Variants in BTBD3 observed in about 807,000 individuals in gnomAD.
The protein encoded by BTBD3 is BTB/POZ domain-containing protein 3.
BTBD3 carries 14 observed loss-of-function variants against 41.6 expected under a neutral mutation model. The ratio of observed to expected loss-of-function variants is 0.34; its 90% CI spans 0.22 to 0.53. The LOEUF (loss-of-function observed/expected upper bound fraction) is 0.53. BTBD3 is among the 20% of genes least tolerant of loss of function. The pLI is 0.95. For missense variants in BTBD3, 426 were observed against 654.7 expected (o/e 0.65, Z 3.81); for synonymous variants, 249 against 233.7 (o/e 1.07, Z -0.60).
chr20:11,898,231 C>T (rs867929805), intron 1 of BTBD3, among the ~76,000 whole-genome samples: 6 of 152,116 alleles, frequency 3.9e-5, no homozygotes, highest in African/African-American at 7.2e-5. Flanking sequence ...CCTCTTCTCC[C>T]GCTTGTCTCC....
At chr20:11,915,373 A>C (rs987179372), upstream of BTBD3, among the ~76,000 whole-genome samples, 10 of 152,176 alleles carry the variant, frequency 6.6e-5, no homozygotes, top group African/African-American at 2.4e-4. Flanking sequence ...TCCAAACTAA[A>C]TTAAATTATT....
Position 11,918,285 on chromosome 20 carries a change from G to T in BTBD3, c.10G>T (p.Asp4Tyr). The T allele has an allele frequency of 6.3e-7, 1 of 1,584,336 alleles. No individual in the cohort carries two copies. Residue 4 changes from aspartate (D) to tyrosine (Y), a missense_variant, in exon 1 of 4, where the codon GAC (aspartate) becomes TAC (tyrosine). Physicochemically the swap from Asp to Tyr is radical, Grantham distance 160. This residue lies in a region of BTBD3 where 53 missense variants were observed against 74.8 expected (regional missense o/e 0.71). Transcript: ENST00000378226. MVD[D>Y]KEKNMKCLTF... is the part of the protein sequence containing the mutation. The stretch of plus-strand genomic sequence containing the variant: ...GAGACACACTGTACTCATGGTAGAT[G>T]ACAAGGAAAAGAACATGAAATGTCT...
At position 11,918,032 on chromosome 20, in the gene BTBD3, T is replaced by C. The variant is rs1247112147; in HGVS notation, c.-244T>C. 1 of 1,240,216 alleles carries C rather than the reference T, an allele frequency of 8.1e-7. No individual in the cohort carries two copies. Among genetic ancestry groups the C allele is most frequent in the Non-Finnish European group, 1.0e-6 (1 of 992,496 alleles). 76.8% of individuals were successfully genotyped at this position (1,240,216 alleles called of 1,614,324 possible). On this transcript the variant is annotated 5_prime_UTR_variant, in exon 1 of 4. Coordinates refer to ENST00000378226, the MANE Select transcript of BTBD3 (RefSeq NM_014962.4). ...TTCAGGTGATCTAGGAAACAGTTAT[T>C]TTTATGAGCAAATAAGAGAAACAGG... is the stretch of plus-strand genomic sequence containing the variant.
At chr20:11,919,481 G>A in intron 2 of BTBD3, 1 of 1,351,746 alleles carries the variant, frequency 7.4e-7, no homozygotes, top group South Asian at 1.7e-5. Context: ...AGCTATTATT[G>A]TATGTATTTA....
chr20:11,899,934 A>C (rs1020049771), intron 1 of BTBD3, among the ~76,000 whole-genome samples: 2 of 152,254 alleles, frequency 1.3e-5, no homozygotes, highest in Non-Finnish European at 2.9e-5. Context: ...GGATAAGCCC[A>C]ATAGCTGTTA....
At position 11,919,701 on chromosome 20, in the gene BTBD3, T is replaced by C. The variant is rs2056949518; in HGVS notation, c.418-17T>C. 1 of 1,608,736 alleles carries C rather than the reference T, an allele frequency of 6.2e-7. No individual in the cohort carries two copies. The highest frequency in any genetic ancestry group is 1.7e-5 in the Admixed American group (1 of 59,956). ...CTTCAATTTAGTGTATGAAATAAGATTTCCCTTTCTACACAGTATGTTTTA... is the reference window on the plus strand; with the variant it reads ...CTTCAATTTAGTGTATGAAATAAGACTTCCCTTTCTACACAGTATGTTTTA... On this transcript the variant is annotated splice_polypyrimidine_tract_variant and intron_variant, in intron 2 of 3. Transcript: ENST00000378226.
chr20:11,923,095 G>T lies in BTBD3; in HGVS notation c.998G>T (p.Gly333Val). The change falls in exon 4 of 4, where the codon GGT (glycine) becomes GTT (valine). Residue 333 changes from glycine (G) to valine (V), a missense_variant. Gly to Val is a moderately radical substitution (Grantham distance 109). Coordinates refer to ENST00000378226, the MANE Select transcript of BTBD3 (RefSeq NM_014962.4). The surrounding 1 kb of genome is among the most constrained non-coding windows in gnomAD (Gnocchi z 5.3). The stretch of plus-strand genomic sequence containing the variant: ...ATGGCCCTCGATGATTTTGCAAATG[G>T]TGCTGCACAGTCCGGGGTATTAACT... ...PTMALDDFAN[G>V]AAQSGVLTLN... 1 of 1,614,032 alleles carries T rather than the reference G, an allele frequency of 6.2e-7. No individual in the cohort carries two copies. The highest frequency in any genetic ancestry group is 8.5e-7 in the Non-Finnish European group (1 of 1,180,048).
chr20:11,897,814 G>C (rs1418698588), intron 1 of BTBD3, among the ~76,000 whole-genome samples: 1 of 152,090 alleles, frequency 6.6e-6, no homozygotes, highest in Admixed American at 6.6e-5. Flanking sequence ...CCCTCCAGTG[G>C]CTTCCATGTC....
upstream of BTBD3, among the ~76,000 whole-genome samples, chr20:11,916,668 G>A (rs1404513454): frequency 5.3e-5 from 8 of 152,088 alleles, no homozygotes; most frequent in African/African-American, 7.2e-5. Context: ...AATAACAATC[G>A]TAACTCTTAT....
At position 11,918,264 on chromosome 20, in the gene BTBD3, C is replaced by G. The variant is rs766945492; in HGVS notation, c.-12C>G. The G allele has an allele frequency of 6.5e-7, 1 of 1,547,518 alleles. No homozygotes were observed. The highest frequency in any genetic ancestry group is 8.7e-7 in the Non-Finnish European group (1 of 1,155,198). ...TGGGATATCTAACTCTAAAGAGAGACACACTGTACTCATGGTAGATGACAA... is the reference window on the plus strand; with the variant it reads ...TGGGATATCTAACTCTAAAGAGAGAGACACTGTACTCATGGTAGATGACAA... On this transcript the variant is annotated 5_prime_UTR_variant, in exon 1 of 4. Coordinates refer to ENST00000378226, the MANE Select transcript of BTBD3 (RefSeq NM_014962.4).
chr20:11,924,930 G>A lies in BTBD3; in HGVS notation c.*1264G>A, dbSNP rs752943829. 5 of 152,530 alleles carry A rather than the reference G, an allele frequency of 3.3e-5. No individual in the cohort carries two copies. Among genetic ancestry groups the A allele is most frequent in the South Asian group, 2.1e-4 (1 of 4,826 alleles). 9.4% of individuals were successfully genotyped at this position (152,530 alleles called of 1,614,324 possible). A position where few individuals can be genotyped will look rare whatever the true frequency, so the allele number is the denominator to read the frequency against. On this transcript the variant is annotated 3_prime_UTR_variant, in exon 4 of 4. Transcript: ENST00000378226. ...AGTATCACATCTAGCTCCCTTACTT[G>A]TCCACAGATAATGTAAACAAAGGAG...
intron 1 of BTBD3, among the ~76,000 whole-genome samples, chr20:11,898,813 G>A (rs1600228112): frequency 6.6e-6 from 1 of 152,246 alleles, no homozygotes; most frequent in South Asian, 2.1e-4. Flanking sequence ...ACAGAGAGTG[G>A]TTATGAGAAT....
chr20:11,906,254 C>CTTTTTTTTTTTTTTT (rs3071747), intron 1 of BTBD3, among the ~76,000 whole-genome samples: 763 of 36,230 alleles, frequency 0.021, 220 homozygotes, highest in Middle Eastern at 0.038. Flanking sequence ...ATTATTACTC[C>CTTTTTTTTTTTTTTT]TTTTTTTTTT....
At chr20:11,899,278 G>A (rs1201233672) in intron 1 of BTBD3, among the ~76,000 whole-genome samples, 3 of 152,086 alleles carry the variant, frequency 2.0e-5, no homozygotes, top group African/African-American at 7.2e-5. Flanking sequence ...AAAATCAAAG[G>A]ATCTCAGTCC....
chr20:11,908,933 A>G (rs1183325649), intron 1 of BTBD3, among the ~76,000 whole-genome samples: 1 of 152,164 alleles, frequency 6.6e-6, no homozygotes, highest in Non-Finnish European at 1.5e-5. Flanking sequence ...TGGGGATTGT[A>G]TACTTTTAAG....
intron 1 of BTBD3, among the ~76,000 whole-genome samples, chr20:11,902,553 G>A (rs144754890): frequency 1.3e-3 from 191 of 152,302 alleles, no homozygotes; most frequent in Non-Finnish European, 2.3e-3. Context: ...ACTGCCATAA[G>A]CAATATATTG....
chr20:11,909,157 T>C (rs1568611681), intron 1 of BTBD3, among the ~76,000 whole-genome samples: 1 of 151,618 alleles, frequency 6.6e-6, no homozygotes, highest in Non-Finnish European at 1.5e-5. Flanking sequence ...TCCTGTAATC[T>C]CAGGTATTTG....
Position 11,923,744 on chromosome 20 carries a change from A to C in BTBD3, c.*78A>C. 1 of 1,339,460 alleles carries C rather than the reference A, an allele frequency of 7.5e-7. No individual in the cohort carries two copies. Among genetic ancestry groups the C allele is most frequent in the Non-Finnish European group, 1.0e-6 (1 of 974,314 alleles). 83.0% of individuals were successfully genotyped at this position (1,339,460 alleles called of 1,614,324 possible). Reference sequence around the variant, plus strand: ...TTGCCTGATGCTTAGCTCATCTGCAAATATGTGATCAGTGCCGGTAATTTG... The same window carrying C: ...TTGCCTGATGCTTAGCTCATCTGCACATATGTGATCAGTGCCGGTAATTTG... On this transcript the variant is annotated 3_prime_UTR_variant, in exon 4 of 4. Transcript: ENST00000378226. The surrounding 1 kb of genome is among the most constrained non-coding windows in gnomAD (Gnocchi z 5.3).
rs188693501 is a variant in BTBD3, at chr20:11,906,157, G to T, written c.-125-12177G>T. Among the ~76,000 whole-genome samples the T allele has an allele frequency of 7.3e-5, 11 of 150,028 alleles. No individual in the cohort carries two copies. In the East Asian group the frequency reaches 7.8e-4, roughly 11 times the overall value. On this transcript the variant is annotated intron_variant, in intron 1 of 4. Transcript: ENST00000254977. Reference sequence around the variant, plus strand: ...TTTAAAATCATTGCTGGTGGTAAAGGTTCCATAAACACACCGGCCCAGCAA... The same window carrying T: ...TTTAAAATCATTGCTGGTGGTAAAGTTTCCATAAACACACCGGCCCAGCAA...
Sources: gnomAD v4.1 joint callset for allele counts (sites outside exome capture counted in the v4.1 genomes callset) on GRCh38, gnomAD v4.1.1 for gene constraint, gnomAD v4.1.1 regional missense constraint, Gnocchi (gnomAD v3.1) non-coding constraint, MANE v1.5 for transcripts, NCBI Gene and HGNC (gene_info 2026-07-23, HGNC 2026-07-21) for gene names.